HAS2: variants seen among roughly 807,000 people sequenced by gnomAD.
HAS2 encodes HA synthase 2.
Under a neutral mutation model 51.6 loss-of-function variants are expected in HAS2, and 16 were observed. The ratio of observed to expected loss-of-function variants is 0.31; its 90% CI spans 0.21 to 0.47. The LOEUF is 0.47. HAS2 is among the 20% of genes least tolerant of loss of function. The probability of loss-of-function intolerance (pLI) is 1.00; values close to 1 mark genes in which losing one functional copy is unlikely to be tolerated. For synonymous variants in HAS2, 228 were observed against 235.5 expected, an observed-to-expected ratio of 0.97 and a Z score of 0.29; for missense variants, 361 against 662.6, an observed-to-expected ratio of 0.54 and a Z score of 5.00.
intron 1 of HAS2, among the ~76,000 whole-genome samples, chr8:121,634,660 C>T (rs1475185956): frequency 6.6e-6 from 1 of 151,830 alleles, no homozygotes; most frequent in Admixed American, 6.6e-5. Context: ...TGTAGACTTA[C>T]AGACACAGGT....
chr8:121,636,577 C>T (rs1166938713), intron 1 of HAS2, among the ~76,000 whole-genome samples: 1 of 152,160 alleles, frequency 6.6e-6, no homozygotes, highest in Admixed American at 6.5e-5. Flanking sequence ...TTTCAGATTT[C>T]TTTTCCTTTG....
chr8:121,615,262 AT>A (rs1200614098), intron 3 of HAS2, among the ~76,000 whole-genome samples: 3 of 151,692 alleles, frequency 2.0e-5, no homozygotes, highest in Non-Finnish European at 4.4e-5. Flanking sequence ...GATGGTGAAT[AT>A]TTTTTTCTAT....
chr8:121,612,330 T>C lies in HAS2; in HGVS notation c.*1779A>G, dbSNP rs935457331. On this transcript the variant is annotated 3_prime_UTR_variant, in exon 4 of 4. Coordinates refer to ENST00000303924, the MANE Select transcript of HAS2 (RefSeq NM_005328.3). ...TTTCATCTCATTTATTGGCATGGTG[T>C]GTTTTGTTTTCCACAAGCTCTCCAA... The C allele has an allele frequency of 6.6e-6, 1 of 152,134 alleles. No individual in the cohort carries two copies. Among genetic ancestry groups the C allele is most frequent in the African/African-American group, 2.4e-5 (1 of 41,440 alleles). The allele number at this position is 152,134 out of a possible 1,614,324, so 9.4% of individuals were successfully genotyped here.
intron 1 of HAS2, 34 bp from the exon 2 acceptor site, chr8:121,629,374 C>T (rs368242214): frequency 6.5e-7 from 1 of 1,547,662 alleles, no homozygotes. Flanking sequence ...CTTGGTTAAC[C>T]ATGATTGTCC....
In HAS2 at chr8:121,612,449, AC is replaced by A. The variant is rs1175884746; in HGVS notation, c.*1659del. On this transcript the variant is annotated 3_prime_UTR_variant, in exon 4 of 4. Coordinates refer to ENST00000303924, the MANE Select transcript of HAS2 (RefSeq NM_005328.3). ...AGGCAGGATAGATGTAACATAGATG[AC>A]TGCATAAAAAAGAGGCAGAAAGGCA... 3.9e-5 allele frequency: 6 copies of A among 152,068 alleles called. No homozygotes were observed. The highest frequency in any genetic ancestry group is 1.4e-4 in the African/African-American group (6 of 41,396). The allele number at this position is 152,068 out of a possible 1,614,324, so 9.4% of individuals were successfully genotyped here. A position where few individuals can be genotyped will look rare whatever the true frequency, so the allele number is the denominator to read the frequency against.
In HAS2 at chr8:121,612,297, ACT is replaced by A. The variant is rs772401380; in HGVS notation, c.*1810_*1811del. On this transcript the variant is annotated 3_prime_UTR_variant, in exon 4 of 4. Coordinates refer to ENST00000303924, the MANE Select transcript of HAS2 (RefSeq NM_005328.3). Reference sequence around the variant, plus strand: ...AGAACATAAATAGTTAAAAAGGCAAACTCAAGTTTTCATCTCATTTATTGGCA... The same window carrying A: ...AGAACATAAATAGTTAAAAAGGCAAACAAGTTTTCATCTCATTTATTGGCA... 1 of 152,124 alleles carries A rather than the reference ACT, an allele frequency of 6.6e-6. No homozygotes were observed. Among genetic ancestry groups the A allele is most frequent in the South Asian group, 2.1e-4 (1 of 4,828 alleles). 9.4% of individuals were successfully genotyped at this position (152,124 alleles called of 1,614,324 possible). A position where few individuals can be genotyped will look rare whatever the true frequency, so the allele number is the denominator to read the frequency against.
chr8:121,633,279 G>A (rs1255185029), intron 1 of HAS2, among the ~76,000 whole-genome samples: 1 of 151,898 alleles, frequency 6.6e-6, no homozygotes, highest in East Asian at 1.9e-4. Context: ...CCGAGTAGCT[G>A]GGACTACAGG....
chr8:121,641,160 T>TTTC lies in HAS2; in HGVS notation c.-309_-308insGAA, dbSNP rs1813094779. 3.8e-5 allele frequency: 2 copies of TTTC among 52,862 alleles called. No individual in the cohort carries two copies. The highest frequency in any genetic ancestry group is 6.1e-5 in the Non-Finnish European group (2 of 32,898). 3.3% of individuals were successfully genotyped at this position (52,862 alleles called of 1,614,324 possible). ...ACTTTTCTTTTTTCTTTTCTTTTCT[T>TTTC]TTTTTTTTTTTTTTTTTTTTGGGCT... On this transcript the variant is annotated 5_prime_UTR_variant, in exon 1 of 4. Coordinates refer to ENST00000303924, the MANE Select transcript of HAS2 (RefSeq NM_005328.3).
chr8:121,617,600 T>G (rs536220616), intron 2 of HAS2, among the ~76,000 whole-genome samples: 1 of 152,262 alleles, frequency 6.6e-6, no homozygotes, highest in African/African-American at 2.4e-5. Context: ...AAAAAAAATG[T>G]TTTCTTGTTA....
chr8:121,639,251 C>A (rs1353385428), intron 1 of HAS2: 1 of 152,240 alleles, frequency 6.6e-6, no homozygotes, highest in Non-Finnish European at 1.5e-5. Flanking sequence ...CCAATCGGGG[C>A]TTCCCTATCT....
At chr8:121,626,876 G>A (rs965227771) in intron 2 of HAS2, among the ~76,000 whole-genome samples, 3 of 152,142 alleles carry the variant, frequency 2.0e-5, no homozygotes, top group African/African-American at 4.8e-5. Context: ...GCTGCTGGTC[G>A]GGTCAGTGTA....
At chr8:121,615,422 C>T (rs1016244813) in intron 3 of HAS2, among the ~76,000 whole-genome samples, 1 of 152,114 alleles carries the variant, frequency 6.6e-6, no homozygotes, top group Non-Finnish European at 1.5e-5. Flanking sequence ...CTGCAACCTC[C>T]GCCTTCCTGG....
chr8:121,623,328 C>T (rs1280434848), intron 2 of HAS2, among the ~76,000 whole-genome samples: 3 of 152,002 alleles, frequency 2.0e-5, no homozygotes, highest in East Asian at 3.9e-4. Flanking sequence ...ACAAAGGTGA[C>T]GAGCCAGCTG....
intron 2 of HAS2, among the ~76,000 whole-genome samples, chr8:121,628,415 G>A (rs1303674595): frequency 2.0e-5 from 3 of 152,092 alleles, no homozygotes; most frequent in East Asian, 3.9e-4. Flanking sequence ...GAACCAAGGG[G>A]GCAGAGAAGG....
At position 121,639,537 on chromosome 8, in the gene HAS2, G is replaced by A. The variant is rs183774428; in HGVS notation, c.-1+1316C>T. The A allele has an allele frequency of 7.2e-5, 11 of 152,604 alleles. 1 individual carries two copies. Among genetic ancestry groups the A allele is most frequent in the African/African-American group, 2.4e-4 (10 of 41,566 alleles). 9.5% of individuals were successfully genotyped at this position (152,604 alleles called of 1,614,324 possible). A position where few individuals can be genotyped will look rare whatever the true frequency, so the allele number is the denominator to read the frequency against. ...TGGGGGACGGAGGGAGAGGCGCTAGGGGAACTGGCACCTAAGACTGTGTAA... is the reference window on the plus strand; with the variant it reads ...TGGGGGACGGAGGGAGAGGCGCTAGAGGAACTGGCACCTAAGACTGTGTAA... On this transcript the variant is annotated intron_variant, in intron 1 of 3. Transcript: ENST00000303924.
At chr8:121,615,072 T>G (rs1392129762) in intron 3 of HAS2, 34 bp from the exon 4 acceptor site, 1 of 1,496,518 alleles carries the variant, frequency 6.7e-7, no homozygotes, top group Non-Finnish European at 9.1e-7. Flanking sequence ...ATAGGTAAGC[T>G]TTAGCTAAAA....
chr8:121,616,721 C>A lies in HAS2; in HGVS notation c.729+384G>T, dbSNP rs145743895. On this transcript the variant is annotated intron_variant, in intron 3 of 3. Transcript: ENST00000303924. ...AAAGTGCTGGGATTACAGGCATAAA[C>A]CACTGCGCCCGGCTCATACTTCTAT... Among the ~76,000 whole-genome samples, 618 of 152,262 alleles carry A rather than the reference C, an allele frequency of 4.1e-3. 6 individuals are homozygous for A. Among genetic ancestry groups the A allele is most frequent in the African/African-American group, 0.014 (576 of 41,544 alleles).
intron 2 of HAS2, 70 bp from the exon 3 acceptor site, chr8:121,617,276 A>T: frequency 1.1e-6 from 1 of 873,516 alleles, no homozygotes; most frequent in Non-Finnish European, 1.9e-6. Flanking sequence ...TGTAGTCAAA[A>T]TTTCACATAC....
Position 121,628,744 on chromosome 8 carries a change from T to C in HAS2, c.597A>G (p.Arg199=), listed in dbSNP as rs1812887938. The change falls in exon 2 of 4, where the codon AGA becomes AGG. Residue 199 remains arginine (R), a synonymous_variant. Coordinates refer to ENST00000303924, the MANE Select transcript of HAS2 (RefSeq NM_005328.3). ...GKREVMYTAF[R]ALGRSVDYVQ... The stretch of plus-strand genomic sequence containing the variant: ...CATAATCCACACTTCGTCCCAGTGC[T>C]CTGAAGGCTGTGTACATGACTTCTC... 1.9e-6 allele frequency: 3 copies of C among 1,613,996 alleles called. No individual in the cohort carries two copies. Among genetic ancestry groups the C allele is most frequent in the Admixed American group, 1.7e-5 (1 of 60,006 alleles).
Sources: allele counts gnomAD v4.1 joint callset (sites outside exome capture counted in the v4.1 genomes callset), GRCh38; gene constraint gnomAD v4.1.1; transcripts MANE v1.5; gene names NCBI Gene and HGNC (gene_info 2026-07-23, HGNC 2026-07-21).